DROSHA: variants seen among roughly 807,000 people sequenced by gnomAD.
DROSHA encodes ribonuclease 3.
Under a neutral mutation model 181.9 loss-of-function variants are expected in DROSHA, and 56 were observed. That is an observed-to-expected ratio of 0.31 (90% CI 0.25 to 0.38). The LOEUF is 0.38. Ranked by LOEUF, DROSHA falls within the 10% of genes least tolerant of loss-of-function variation. The pLI is 1.00. For synonymous variants in DROSHA, 524 were observed against 591.2 expected (o/e 0.89, Z 1.65); for missense variants, 1,218 against 1,743.5 (o/e 0.70, Z 5.37).
intron 12 of DROSHA, among the ~76,000 whole-genome samples, chr5:31,493,937 T>TCTGTGTGTG (rs1554041127): frequency 6.9e-6 from 1 of 144,720 alleles, no homozygotes; most frequent in Non-Finnish European, 1.5e-5. Context: ...TAACCCACCA[T>TCTGTGTGTG]TGTGTGTGTG....
rs1740096215 is a variant in DROSHA at position 31,402,269 on chromosome 5, G to C, written c.3995-707C>G. Among the ~76,000 whole-genome samples, 7 of 152,284 alleles carry C rather than the reference G, an allele frequency of 4.6e-5. No individual in the cohort carries two copies. In the South Asian group the frequency reaches 1.2e-3, roughly 27 times the overall value. On this transcript the variant is annotated intron_variant, in intron 35 of 35. Transcript: ENST00000344624. ...TTCATTTGTTTGCTTTAAGGACAAT[G>C]CGTAGTGAAGTGGATCTACATATAC...
intron 35 of DROSHA, among the ~76,000 whole-genome samples, chr5:31,405,329 T>C (rs981971551): frequency 2.7e-5 from 4 of 150,480 alleles, no homozygotes; most frequent in Non-Finnish European, 5.9e-5. Context: ...GAGCCAAGAT[T>C]GTGCCACTGC....
intron 23 of DROSHA, among the ~76,000 whole-genome samples, chr5:31,445,830 A>C (rs1009250067): frequency 1.3e-5 from 2 of 152,320 alleles, no homozygotes; most frequent in Middle Eastern, 6.8e-3. Flanking sequence ...CATCTTCCTC[A>C]ATAGTGAAAG....
intron 13 of DROSHA, among the ~76,000 whole-genome samples, chr5:31,492,618 A>G (rs909593078): frequency 3.3e-5 from 5 of 152,218 alleles, no homozygotes; most frequent in African/African-American, 1.2e-4. Context: ...GAAGTAAGAA[A>G]GACAATTCCT....
chr5:31,527,801 A>T (rs946961673), intron 4 of DROSHA, among the ~76,000 whole-genome samples: 3 of 152,208 alleles, frequency 2.0e-5, no homozygotes, highest in Non-Finnish European at 4.4e-5. Context: ...TAAGTTACCC[A>T]GTCTATAGCA....
intron 8 of DROSHA, among the ~76,000 whole-genome samples, chr5:31,512,301 A>G (rs1457139283): frequency 6.6e-6 from 1 of 152,222 alleles, no homozygotes; most frequent in African/African-American, 2.4e-5. Flanking sequence ...ACTCAAAGGC[A>G]AATGTCAGCC....
At chr5:31,442,454 G>A (rs1745708629) in intron 23 of DROSHA, among the ~76,000 whole-genome samples, 1 of 152,086 alleles carries the variant, frequency 6.6e-6, no homozygotes, top group Non-Finnish European at 1.5e-5. Context: ...ATACTAGCAG[G>A]ATCCAAGATG....
chr5:31,401,856 G>T (rs1579955148), intron 35 of DROSHA, among the ~76,000 whole-genome samples: 1 of 152,154 alleles, frequency 6.6e-6, no homozygotes, highest in African/African-American at 2.4e-5. Context: ...CGTGTGGCTT[G>T]GGAATGTTAC....
chr5:31,523,341 G>A (rs1159918896), intron 5 of DROSHA, among the ~76,000 whole-genome samples: 1 of 152,192 alleles, frequency 6.6e-6, no homozygotes, highest in Non-Finnish European at 1.5e-5. Context: ...CATAGTAAAG[G>A]AGTGTGGTTT....
chr5:31,456,495 GACACAC>G lies in DROSHA; in HGVS notation c.2575-4861_2575-4856del, dbSNP rs1580158532. Among the ~76,000 whole-genome samples, 3 of 89,660 alleles carry G rather than the reference GACACAC, an allele frequency of 3.3e-5. No individual in the cohort carries two copies. In the South Asian group the frequency reaches 1.3e-3, roughly 38 times the overall value. The allele number at this position is 89,660 out of a possible 152,430, so 58.8% of individuals were successfully genotyped here. On this transcript the variant is annotated intron_variant, in intron 20 of 35. Coordinates refer to ENST00000344624, the MANE Select transcript of DROSHA (RefSeq NM_001382508.1). Reference sequence around the variant, plus strand: ...ACACACACACACACACACACACACAGACACACACACACAGAGAGAGGAAGAGAAGTA... The same window carrying G: ...ACACACACACACACACACACACACAGACACACAGAGAGAGGAAGAGAAGTA...
intron 13 of DROSHA, among the ~76,000 whole-genome samples, chr5:31,492,499 C>A (rs1752537747): frequency 6.6e-6 from 1 of 152,184 alleles, no homozygotes; most frequent in South Asian, 2.1e-4. Flanking sequence ...TATACAATAG[C>A]TACAATTCAG....
intron 16 of DROSHA, among the ~76,000 whole-genome samples, chr5:31,472,450 T>C (rs918208462): frequency 1.3e-5 from 2 of 152,180 alleles, no homozygotes; most frequent in African/African-American, 2.4e-5. Flanking sequence ...ATTTACTAAA[T>C]TGGCAACAAC....
At chr5:31,426,076 C>T (rs1743428702) in intron 27 of DROSHA, among the ~76,000 whole-genome samples, 1 of 152,152 alleles carries the variant, frequency 6.6e-6, no homozygotes, top group Non-Finnish European at 1.5e-5. Flanking sequence ...CTATCACCTT[C>T]ATGTCTTATA....
chr5:31,422,789 G>T lies in DROSHA; in HGVS notation c.3417C>A (p.Thr1139=), dbSNP rs1351791148. The T allele has an allele frequency of 6.2e-7, 1 of 1,613,424 alleles. No homozygotes were observed. The highest frequency in any genetic ancestry group is 8.5e-7 in the Non-Finnish European group (1 of 1,179,628). The change falls in exon 29 of 36, where the codon ACC becomes ACA. Residue 1139 remains threonine, a splice_region_variant and synonymous_variant. Coordinates refer to ENST00000344624, the MANE Select transcript of DROSHA (RefSeq NM_001382508.1). ...TLRTVGFNHL[T]LGHNQRMEFL... ...CTACATGAGAACTTTTAACTCACAG[G>T]GTCAGATGGTTAAATCCCACAGTTC...
rs188247775 is a variant in DROSHA at position 31,510,994 on chromosome 5, T to C, written c.1432+41A>G. On this transcript the variant is annotated intron_variant, in intron 9 of 35. Transcript: ENST00000344624. Reference sequence around the variant, plus strand: ...TCCCCAAAATTTAGGAATGAAGCTATAATCGCAAGGGTCTCAGGCTAGTTA... The same window carrying C: ...TCCCCAAAATTTAGGAATGAAGCTACAATCGCAAGGGTCTCAGGCTAGTTA... 238 of 1,597,752 alleles carry C rather than the reference T, an allele frequency of 1.5e-4. 4 individuals carry two copies. The East Asian group carries it at 5.0e-3, about 34-fold the overall frequency.
intron 26 of DROSHA, 111 bp downstream of exon 26, chr5:31,431,465 G>A (rs1198664826): frequency 1.0e-6 from 1 of 982,752 alleles, no homozygotes. Flanking sequence ...GGAACCTCAT[G>A]TGCTTTGGGA....
At chr5:31,443,981 A>G (rs149221700) in intron 23 of DROSHA, among the ~76,000 whole-genome samples, 106 of 152,366 alleles carry the variant, frequency 7.0e-4, no homozygotes, top group Admixed American at 6.3e-3. Flanking sequence ...TCCAGTAAAG[A>G]AAAATAGCCC....
At chr5:31,515,371 T>C in intron 7 of DROSHA, 83 bp downstream of exon 7, 1 of 1,040,410 alleles carries the variant, frequency 9.6e-7, no homozygotes. Flanking sequence ...GACTCCCAAA[T>C]ACCAGTCTGG....
intron 17 of DROSHA, 78 bp downstream of exon 17, chr5:31,471,985 T>C (rs1237306804): frequency 1.5e-6 from 2 of 1,378,916 alleles, no homozygotes; most frequent in South Asian, 1.9e-5. Context: ...TAAAATGTGC[T>C]GTTACTGTTT....
Sources: gnomAD v4.1 joint callset for allele counts (sites outside exome capture counted in the v4.1 genomes callset) on GRCh38, gnomAD v4.1.1 for gene constraint, MANE v1.5 for transcripts, NCBI Gene and HGNC (gene_info 2026-07-23, HGNC 2026-07-21) for gene names.